Variants in ANO10 observed in about 807,000 individuals in gnomAD.
ANO10 encodes anoctamin 10.
Under a neutral mutation model 74.7 loss-of-function variants are expected in ANO10, and 77 were observed. The observed-to-expected ratio is 1.03, with a 90% CI of 0.86 to 1.25. The LOEUF (loss-of-function observed/expected upper bound fraction) is 1.25, where lower values mean the gene tolerates loss of function less well. Ranked by LOEUF, ANO10 falls within the 50% of genes most tolerant of loss-of-function variation. ANO10 has a pLI of 0.00. For missense variants in ANO10, 721 were observed against 778.1 expected (o/e 0.93, Z 0.87); for synonymous variants, 279 against 284.9 (o/e 0.98, Z 0.21).
intron 4 of ANO10, among the ~76,000 whole-genome samples, chr3:43,594,780 G>A (rs1575507234): frequency 6.6e-6 from 1 of 152,090 alleles, no homozygotes; most frequent in Middle Eastern, 3.4e-3. Context: ...AACTGAAGGA[G>A]ATAGAGACAC....
Position 43,447,530 on chromosome 3 carries a change from A to G in ANO10, c.1798-14803T>C, listed in dbSNP as rs373799484. Among the ~76,000 whole-genome samples, 120 of 152,298 alleles carry G rather than the reference A, an allele frequency of 7.9e-4. 1 individual carries two copies. The South Asian group carries it at 0.024, about 30-fold the overall frequency. On this transcript the variant is annotated intron_variant, in intron 11 of 12. Transcript: ENST00000292246. ...CTTTTTTTGTAAACTTTCTGTTCAT[A>G]ATGAAAAGCATTTGAGAAGGTTGAG...
At chr3:43,576,630 C>T (rs1466112915) in intron 6 of ANO10, 62 bp downstream of exon 6, 34 of 1,553,612 alleles carry the variant, frequency 2.2e-5, no homozygotes, top group Middle Eastern at 1.7e-4. Context: ...ATGTGAATCC[C>T]ATGATCTAGG....
intron 8 of ANO10, among the ~76,000 whole-genome samples, chr3:43,563,570 A>G (rs2080159227): frequency 6.6e-6 from 1 of 152,204 alleles, no homozygotes; most frequent in Non-Finnish European, 1.5e-5. Context: ...CTGCAGCACT[A>G]TTTGTAACAA....
intron 11 of ANO10, among the ~76,000 whole-genome samples, chr3:43,445,411 G>C (rs1026231978): frequency 4.4e-5 from 5 of 114,068 alleles, no homozygotes; most frequent in African/African-American, 1.3e-4. Context: ...GGAACTATCA[G>C]TTCTAGCTTG....
chr3:43,550,228 T>C (rs189376777), intron 10 of ANO10, among the ~76,000 whole-genome samples: 33 of 152,354 alleles, frequency 2.2e-4, no homozygotes, highest in Non-Finnish European at 3.8e-4. Flanking sequence ...ACAGAACTTA[T>C]GTTGTGAAAC....
intron 12 of ANO10, among the ~76,000 whole-genome samples, chr3:43,393,512 G>A (rs879716691): frequency 1.3e-5 from 2 of 151,990 alleles, no homozygotes; most frequent in African/African-American, 4.8e-5. Flanking sequence ...GATGATACAC[G>A]TACGCTCAAG....
chr3:43,651,546 G>T (rs1187173484), intron 1 of ANO10, among the ~76,000 whole-genome samples: 1 of 152,128 alleles, frequency 6.6e-6, no homozygotes, highest in Non-Finnish European at 1.5e-5. Context: ...AGATGCCATG[G>T]GGGTTAGTGG....
chr3:43,558,989 T>C (rs2079895903), intron 9 of ANO10, among the ~76,000 whole-genome samples: 1 of 152,248 alleles, frequency 6.6e-6, no homozygotes, highest in Non-Finnish European at 1.5e-5. Context: ...TATTATTTCC[T>C]TTACTTCACA....
chr3:43,372,880 C>T, intron 12 of ANO10: 2 of 1,532,624 alleles, frequency 1.3e-6, no homozygotes, highest in Non-Finnish European at 8.7e-7. Context: ...TCTAATTTAG[C>T]CAGTAACCTC....
intron 11 of ANO10, among the ~76,000 whole-genome samples, chr3:43,463,615 T>C (rs1198976319): frequency 6.6e-6 from 1 of 152,230 alleles, no homozygotes; most frequent in Non-Finnish European, 1.5e-5. Context: ...CCATTTGGAA[T>C]GGCTGTATTT....
intron 11 of ANO10, among the ~76,000 whole-genome samples, chr3:43,456,282 T>C (rs1490567597): frequency 6.6e-6 from 1 of 152,234 alleles, no homozygotes; most frequent in Non-Finnish European, 1.5e-5. Flanking sequence ...ACAAAATGTA[T>C]ATATTTTAAA....
chr3:43,451,224 A>C lies in ANO10; in HGVS notation c.1798-18497T>G, dbSNP rs185413059. Among the ~76,000 whole-genome samples the C allele has an allele frequency of 2.0e-5, 3 of 152,318 alleles. No individual in the cohort carries two copies. In the East Asian group the frequency reaches 5.8e-4, roughly 29 times the overall value. ...ATGTCCCATCAGAACTGAAGGAATT[A>C]TTCTCCCAGCTGCTGCAAGGGCTAC... On this transcript the variant is annotated intron_variant, in intron 11 of 12. Transcript: ENST00000292246.
At chr3:43,690,783 C>G in intron 1 of ANO10, 2 of 448,984 alleles carry the variant, frequency 4.5e-6, no homozygotes, top group Non-Finnish European at 7.7e-6. Context: ...GGCGGGAGAA[C>G]TAGTGCATGC....
chr3:43,540,766 T>G (rs1482502621), intron 11 of ANO10, among the ~76,000 whole-genome samples: 1 of 152,156 alleles, frequency 6.6e-6, no homozygotes, highest in African/African-American at 2.4e-5. Context: ...AGAGCTGGGT[T>G]AACAGGGGAA....
chr3:43,440,254 G>A (rs1404042560), intron 11 of ANO10, among the ~76,000 whole-genome samples: 3 of 152,012 alleles, frequency 2.0e-5, no homozygotes, highest in African/African-American at 7.2e-5. Flanking sequence ...GACATAGAGT[G>A]GCTGAATGGA....
At chr3:43,566,074 G>A (rs894725606) in intron 7 of ANO10, among the ~76,000 whole-genome samples, 15 of 152,280 alleles carry the variant, frequency 9.9e-5, no homozygotes, top group African/African-American at 1.7e-4. Flanking sequence ...AAGGGGTGAC[G>A]GACGGCACCT....
At chr3:43,691,165 A>AC in intron 1 of ANO10, 3 of 961,472 alleles carry the variant, frequency 3.1e-6, no homozygotes, top group Non-Finnish European at 4.1e-6. Flanking sequence ...GGCTTCCTCG[A>AC]CCCTCCCCGG....
chr3:43,597,459 G>A (rs2082144453), intron 4 of ANO10, among the ~76,000 whole-genome samples: 1 of 152,158 alleles, frequency 6.6e-6, no homozygotes, highest in South Asian at 2.1e-4. Flanking sequence ...CATGTCCTTT[G>A]TAGGGACATG....
At chr3:43,611,494 G>A (rs1360035876) in intron 1 of ANO10, among the ~76,000 whole-genome samples, 1 of 152,176 alleles carries the variant, frequency 6.6e-6, no homozygotes, top group Non-Finnish European at 1.5e-5. Flanking sequence ...TATTAGAATT[G>A]ATTAAGAGCT....
Sources: allele counts gnomAD v4.1 joint callset (sites outside exome capture counted in the v4.1 genomes callset), GRCh38; gene constraint gnomAD v4.1.1; transcripts MANE v1.5; gene names NCBI Gene and HGNC (gene_info 2026-07-23, HGNC 2026-07-21).